The following TBX10 variants were observed in gnomAD, a reference collection of about 807,000 sequenced individuals.
TBX10 encodes T-box transcription factor TBX10.
TBX10 carries 26 observed loss-of-function variants against 32.4 expected under a neutral mutation model. The ratio of observed to expected loss-of-function variants is 0.80; its 90% CI spans 0.59 to 1.11. The LOEUF (loss-of-function observed/expected upper bound fraction) is 1.11. TBX10 is among the 50% of genes most tolerant of loss of function. The probability of loss-of-function intolerance (pLI) is 0.00; values close to 1 mark genes in which losing one functional copy is unlikely to be tolerated. For missense variants in TBX10, 490 were observed against 494.5 expected (o/e 0.99, Z 0.09); for synonymous variants, 195 against 203.1 (o/e 0.96, Z 0.34).
intron 1 of TBX10, among the ~76,000 whole-genome samples, chr11:67,637,381 G>C (rs944809819): frequency 6.6e-5 from 10 of 152,116 alleles, no homozygotes; most frequent in Non-Finnish European, 1.5e-4. Flanking sequence ...TTGCAGAAAG[G>C]GTACACTCGC....
In TBX10 at chr11:67,632,986, T is replaced by C. The variant is rs1855261346; in HGVS notation, c.667A>G (p.Thr223Ala). Residue 223 changes from threonine to alanine, a missense_variant, in exon 5 of 8, where the codon ACC becomes GCC. Thr to Ala is a moderately conservative substitution (Grantham distance 58). Coordinates refer to ENST00000335385, the MANE Select transcript of TBX10 (RefSeq NM_005995.5). Reference sequence around the variant, plus strand: ...TAGGCTGTCACTGCTGTGAACTGGGTCTCTGTGAAGATGAAGGACTTGAAG... The same window carrying C: ...TAGGCTGTCACTGCTGTGAACTGGGCCTCTGTGAAGATGAAGGACTTGAAG... ...ENFKSFIFTE[T>A]QFTAVTAYQN... 6.2e-7 allele frequency: 1 copy of C among 1,614,180 alleles called. No individual in the cohort carries two copies.
rs757110668 is a variant in TBX10 at position 67,635,078 on chromosome 11, C to A, written c.193G>T (p.Val65Leu). The A allele has an allele frequency of 2.5e-6, 4 of 1,613,804 alleles. No individual in the cohort carries two copies. ...QGPKNPRVSR[V>L]TVQLEMKPLW... ...GGCTTCATCTCCAGCTGAACTGTCA[C>A]TCTGGACACACGTGGGTTCTTGGGG... The change falls in exon 2 of 8, where the codon GTG (valine) becomes TTG (leucine). Residue 65 changes from valine to leucine, a missense_variant. Val to Leu is a conservative substitution (Grantham distance 32, BLOSUM62 1). This residue lies in a region of TBX10 where 307 missense variants were observed against 294.9 expected (regional missense o/e 1.04). Coordinates refer to ENST00000335385, the MANE Select transcript of TBX10 (RefSeq NM_005995.5).
rs1280933393 is a variant in TBX10 at position 67,632,367 on chromosome 11, G to T, written c.819C>A (p.His273Gln). ...TCAGCACACAGGGACTGAGGCTGCT[G>T]TGACTCCGGGCTGGGACACTGAGCA... is the stretch of plus-strand genomic sequence containing the variant. ...RPLLSVPARS[H>Q]SSLSPCVLKG... The change falls in exon 7 of 8, where the codon CAC becomes CAA. Residue 273 changes from histidine to glutamine, a missense_variant. By Grantham distance (24) the His-to-Gln change is conservative (BLOSUM62 0). This residue lies in a region of TBX10 where 177 missense variants were observed against 176.6 expected (regional missense o/e 1.00). Coordinates refer to ENST00000335385, the MANE Select transcript of TBX10 (RefSeq NM_005995.5). The T allele has an allele frequency of 6.2e-7, 1 of 1,613,256 alleles. No homozygotes were observed. Among genetic ancestry groups the T allele is most frequent in the East Asian group, 2.2e-5 (1 of 44,886 alleles).
At chr11:67,635,624 T>G (rs1349390075) in intron 1 of TBX10, among the ~76,000 whole-genome samples, 2 of 142,942 alleles carry the variant, frequency 1.4e-5, no homozygotes, top group South Asian at 4.6e-4. Flanking sequence ...TTAGTGACCA[T>G]GCACAGGGGC....
rs1855305003 is a variant in TBX10, at chr11:67,635,118, C to G, written c.153G>C (p.Glu51Asp). Reference sequence around the variant, plus strand: ...GGTTCTTGGGGCCCTGCCCAGTGGGCTCGGCCACAGCTTGGGCCCCAGTAG... The same window carrying G: ...GGTTCTTGGGGCCCTGCCCAGTGGGGTCGGCCACAGCTTGGGCCCCAGTAG... ...TSSTGAQAVAEPTGQGPKNPR... is the reference protein window; with the variant it reads ...TSSTGAQAVADPTGQGPKNPR... The change falls in exon 2 of 8, where the codon GAG (glutamate) becomes GAC (aspartate). Residue 51 changes from glutamate (E) to aspartate (D), a missense_variant. Physicochemically the swap from Glu to Asp is conservative, Grantham distance 45 (BLOSUM62 2). Transcript: ENST00000335385. 6.2e-7 allele frequency: 1 copy of G among 1,613,716 alleles called. No homozygotes were observed. The highest frequency in any genetic ancestry group is 1.7e-5 in the Admixed American group (1 of 60,014).
In TBX10 at chr11:67,631,447, C is replaced by T; in HGVS notation, c.*158G>A. On this transcript the variant is annotated 3_prime_UTR_variant, in exon 8 of 8. Transcript: ENST00000335385. ...GTTCCAAGCTTGCCATGGTCCCAGC[C>T]TTGCTGTGACCCTGGGCAGGTAGCC... The T allele has an allele frequency of 1.1e-6, 1 of 934,400 alleles. No homozygotes were observed. The highest frequency in any genetic ancestry group is 1.6e-6 in the Non-Finnish European group (1 of 625,454). 57.9% of individuals were successfully genotyped at this position (934,400 alleles called of 1,614,324 possible).
At position 67,634,213 on chromosome 11, in the gene TBX10, G is replaced by A; in HGVS notation, c.525C>T (p.Asn175=). 6.2e-7 allele frequency: 1 copy of A among 1,613,210 alleles called. No individual in the cohort carries two copies. The highest frequency in any genetic ancestry group is 8.5e-7 in the Non-Finnish European group (1 of 1,179,992). ...CGTGGCCATTGTCATCCAGCAGGTT[G>A]TTGGTCAGCTTGAGCTTGTCAAAGG... ...IVSFDKLKLT[N]NLLDDNGHII... Residue 175 remains asparagine (N), a synonymous_variant, in exon 4 of 8, where the codon AAC becomes AAT. Transcript: ENST00000335385.
rs1159930320 is a variant in TBX10 at position 67,635,011 on chromosome 11, A to ACGAT, written c.256_259dup (p.Val87AspfsTer84). 3 of 1,613,456 alleles carry ACGAT rather than the reference A, an allele frequency of 1.9e-6. No individual in the cohort carries two copies. Among genetic ancestry groups the ACGAT allele is most frequent in the Non-Finnish European group, 2.5e-6 (3 of 1,180,014 alleles). ...CTGCTCACACCTGCCTGCCTTGGTG[A>ACGAT]CGATCATCTCAGTGCCCAGCTGGTT... On this transcript the variant is annotated frameshift_variant, in exon 2 of 8. Coordinates refer to ENST00000335385, the MANE Select transcript of TBX10 (RefSeq NM_005995.5). LOFTEE classifies it high-confidence loss of function.
chr11:67,634,923 G>A lies in TBX10; in HGVS notation c.276-6C>T, dbSNP rs1007475350. The A allele has an allele frequency of 3.7e-6, 6 of 1,613,086 alleles. No individual in the cohort carries two copies. The highest frequency in any genetic ancestry group is 3.3e-5 in the Admixed American group (2 of 59,994). The stretch of plus-strand genomic sequence containing the variant: ...GGAAGGGGGGGAACATCCTCCTGCG[G>A]GAGGGAGGTGCTCAGCAGCCGGATG... On this transcript the variant is annotated splice_region_variant and splice_polypyrimidine_tract_variant and intron_variant, in intron 2 of 7. Transcript: ENST00000335385.
At chr11:67,638,655 C>T (rs1855363448) in intron 1 of TBX10, among the ~76,000 whole-genome samples, 1 of 152,218 alleles carries the variant, frequency 6.6e-6, no homozygotes. Context: ...AGGGCCATGG[C>T]CACGTCCTCA....
Position 67,635,230 on chromosome 11 carries a change from G to A in TBX10, c.41C>T (p.Pro14Leu), listed in dbSNP as rs1330568058. The change falls in exon 2 of 8, where the codon CCC becomes CTC. Residue 14 changes from proline to leucine, a missense_variant. Pro to Leu is a moderately conservative substitution (Grantham distance 98). Coordinates refer to ENST00000335385, the MANE Select transcript of TBX10 (RefSeq NM_005995.5). ...FLSAGLGILA[P>L]SETYPLPTTS... ...TGTAGGTAGGGGGTAGGTCTCTGAG[G>A]GTGCAAGTATGCCGAGGCCAGCAGA... 2 of 1,613,702 alleles carry A rather than the reference G, an allele frequency of 1.2e-6. No individual in the cohort carries two copies. The highest frequency in any genetic ancestry group is 1.7e-6 in the Non-Finnish European group (2 of 1,180,022).
chr11:67,639,335 G>T, intron 1 of TBX10, 131 bp downstream of exon 1: 1 of 1,319,456 alleles, frequency 7.6e-7, no homozygotes, highest in Non-Finnish European at 1.1e-6. Context: ...ACCTTAGCCT[G>T]GGGTGCCCCT....
chr11:67,634,911 C>A lies in TBX10; in HGVS notation c.282G>T (p.Met94Ile). The change falls in exon 3 of 8, where the codon ATG (methionine) becomes ATT (isoleucine). Residue 94 changes from methionine to isoleucine, a missense_variant. Met to Ile is a conservative substitution (Grantham distance 10). Transcript: ENST00000335385. The stretch of plus-strand genomic sequence containing the variant: ...GGATCTTCACCTGGAAGGGGGGGAA[C>A]ATCCTCCTGCGGGAGGGAGGTGCTC... ...EMIVTKAGRRMFPPFQVKILG... is the reference protein window; with the variant it reads ...EMIVTKAGRRIFPPFQVKILG... 6.2e-7 allele frequency: 1 copy of A among 1,613,336 alleles called. No homozygotes were observed. The highest frequency in any genetic ancestry group is 8.5e-7 in the Non-Finnish European group (1 of 1,180,020).
intron 6 of TBX10, 94 bp downstream of exon 6, chr11:67,632,509 C>T: frequency 1.3e-6 from 2 of 1,587,064 alleles, no homozygotes; most frequent in Non-Finnish European, 1.7e-6. Flanking sequence ...CAGGATGGGT[C>T]AGAGGGTGTG....
chr11:67,633,223 T>C, intron 4 of TBX10, 120 bp from the exon 5 acceptor site: 1 of 1,283,678 alleles, frequency 7.8e-7, no homozygotes, highest in Non-Finnish European at 1.1e-6. Context: ...GTTCCTTTCA[T>C]GGCAGCACAG....
At chr11:67,634,699 TG>T in intron 3 of TBX10, 116 bp downstream of exon 3, 1 of 1,168,628 alleles carries the variant, frequency 8.6e-7, no homozygotes, top group Non-Finnish European at 1.3e-6. Context: ...GCCCTTAGGC[TG>T]GACCTCCCTG....
Position 67,635,235 on chromosome 11 carries a change from A to C in TBX10, c.36T>G (p.Leu12=). 1 of 1,613,564 alleles carries C rather than the reference A, an allele frequency of 6.2e-7. No individual in the cohort carries two copies. The highest frequency in any genetic ancestry group is 8.5e-7 in the Non-Finnish European group (1 of 1,180,004). The change falls in exon 2 of 8, where the codon CTT becomes CTG. Residue 12 remains leucine (L), a synonymous_variant. Transcript: ENST00000335385. ...AAFLSAGLGI[L]APSETYPLPT... ...GTAGGGGGTAGGTCTCTGAGGGTGCAAGTATGCCGAGGCCAGCAGATAGGA... is the reference window on the plus strand; with the variant it reads ...GTAGGGGGTAGGTCTCTGAGGGTGCCAGTATGCCGAGGCCAGCAGATAGGA...
intron 4 of TBX10, 49 bp from the exon 5 acceptor site, chr11:67,633,152 G>A: frequency 1.3e-6 from 2 of 1,587,758 alleles, no homozygotes; most frequent in Non-Finnish European, 1.7e-6. Context: ...GAGTACAGCG[G>A]ACTCCCTGAG....
rs1404751066 is a variant in TBX10, at chr11:67,634,985, G to C, written c.275+11C>G. 1 of 1,613,360 alleles carries C rather than the reference G, an allele frequency of 6.2e-7. No homozygotes were observed. The highest frequency in any genetic ancestry group is 2.2e-5 in the East Asian group (1 of 44,886). On this transcript the variant is annotated intron_variant, in intron 2 of 7. Transcript: ENST00000335385. ...CTGGCCCCTGCCTCACCCCGCCCCCGCTGCTCACACCTGCCTGCCTTGGTG... is the reference window on the plus strand; with the variant it reads ...CTGGCCCCTGCCTCACCCCGCCCCCCCTGCTCACACCTGCCTGCCTTGGTG...
Sources: allele counts gnomAD v4.1 joint callset (sites outside exome capture counted in the v4.1 genomes callset), GRCh38; gene constraint gnomAD v4.1.1; regional missense constraint gnomAD v4.1.1; transcripts MANE v1.5; gene names NCBI Gene and HGNC (gene_info 2026-07-23, HGNC 2026-07-21).